Variants in PSME4 observed in about 807,000 individuals in gnomAD.
PSME4 encodes proteasome activator complex subunit 4.
Under a neutral mutation model 253.9 loss-of-function variants are expected in PSME4, and 89 were observed. That is an observed-to-expected ratio of 0.35 (90% CI 0.30 to 0.42). The LOEUF (loss-of-function observed/expected upper bound fraction) is 0.42, where lower values mean the gene tolerates loss of function less well. Among genes scored for constraint, PSME4 ranks in the 10% least tolerant of loss-of-function variants. The pLI, the probability that PSME4 is intolerant of heterozygous loss-of-function variation, is 1.00. For missense variants in PSME4, 2,014 were observed against 2,195.2 expected, an observed-to-expected ratio of 0.92 and a Z score of 1.65; for synonymous variants, 851 against 759.2, an observed-to-expected ratio of 1.12 and a Z score of -1.99.
chr2:53,896,982 TA>T, intron 31 of PSME4, 97 bp from the exon 32 acceptor site: 1 of 912,494 alleles, frequency 1.1e-6, no homozygotes, highest in Non-Finnish European at 1.8e-6. Flanking sequence ...TCTGTTTCTT[TA>T]AAAAAACACC....
intron 40 of PSME4, among the ~76,000 whole-genome samples, chr2:53,886,019 CAGAAT>C (rs1416822710): frequency 2.0e-5 from 3 of 152,132 alleles, no homozygotes; most frequent in Non-Finnish European, 4.4e-5. Flanking sequence ...AGACAACCCA[CAGAAT>C]AGGAGAAAAT....
chr2:53,959,280 G>A (rs1670374413), intron 1 of PSME4, among the ~76,000 whole-genome samples: 1 of 152,042 alleles, frequency 6.6e-6, no homozygotes, highest in South Asian at 2.1e-4. Flanking sequence ...CAGGAGAATC[G>A]CTGGAACCCA....
At position 53,888,762 on chromosome 2, in the gene PSME4, T is replaced by G. The variant is rs1196320580; in HGVS notation, c.4347A>C (p.Glu1449Asp). 6.2e-7 allele frequency: 1 copy of G among 1,613,258 alleles called. No homozygotes were observed. Among genetic ancestry groups the G allele is most frequent in the Non-Finnish European group, 8.5e-7 (1 of 1,179,342 alleles). Reference protein sequence around the residue: ...KLHWLFELLLESPLSGEGGSF... With the variant: ...KLHWLFELLLDSPLSGEGGSF... ...ATCCTCCTTCACCACTCAATGGTGA[T>G]TCCAACAGCAGTTCAAAAAGCCAGT... The change falls in exon 38 of 47, where the codon GAA becomes GAC. Residue 1449 changes from glutamate (E) to aspartate (D), a missense_variant. Physicochemically the swap from Glu to Asp is conservative, Grantham distance 45. Around this residue, in one of 4 missense-constraint regions of PSME4, gnomAD observed 403 missense variants for 556.1 expected, o/e 0.72. Coordinates refer to ENST00000404125, the MANE Select transcript of PSME4 (RefSeq NM_014614.3).
intron 29 of PSME4, 77 bp downstream of exon 29, chr2:53,899,804 C>G (rs956274947): frequency 1.3e-6 from 2 of 1,511,264 alleles, no homozygotes; most frequent in Non-Finnish European, 1.8e-6. Context: ...GGCAACAGAG[C>G]AAGACTCTGT....
chr2:53,922,426 G>A (rs909739819), intron 17 of PSME4, 91 bp downstream of exon 17: 40 of 1,362,332 alleles, frequency 2.9e-5, no homozygotes, highest in Non-Finnish European at 4.0e-5. Flanking sequence ...CTTTTCATAT[G>A]TTTTAAAGTC....
chr2:53,964,425 C>CT (rs34991936), intron 1 of PSME4, among the ~76,000 whole-genome samples: 1 of 151,922 alleles, frequency 6.6e-6, no homozygotes, highest in Non-Finnish European at 1.5e-5. Context: ...AAATCAGTTC[C>CT]TTTTTTTTCC....
At chr2:53,947,811 T>A (rs988096195) in intron 3 of PSME4, among the ~76,000 whole-genome samples, 1 of 151,540 alleles carries the variant, frequency 6.6e-6, no homozygotes, top group Non-Finnish European at 1.5e-5. Context: ...AGGTCAGGAG[T>A]TCGAGACCAG....
At chr2:53,934,816 G>T in intron 7 of PSME4, 89 bp from the exon 8 acceptor site, 1 of 988,462 alleles carries the variant, frequency 1.0e-6, no homozygotes. Flanking sequence ...TGTTACTGAA[G>T]ATATTTTCAT....
intron 2 of PSME4, 38 bp downstream of exon 2, chr2:53,949,105 A>C (rs766232191): frequency 6.5e-7 from 1 of 1,528,766 alleles, no homozygotes; most frequent in South Asian, 1.3e-5. Flanking sequence ...CTGAAGAAAC[A>C]AACAAACCTT....
At chr2:53,896,938 T>C (rs1680165769) in intron 31 of PSME4, 53 bp from the exon 32 acceptor site, 1 of 1,315,450 alleles carries the variant, frequency 7.6e-7, no homozygotes. Context: ...ATCACTTAAC[T>C]GGTTGTCTGC....
At chr2:53,935,103 C>G (rs1351220487) in intron 7 of PSME4, among the ~76,000 whole-genome samples, 5 of 152,170 alleles carry the variant, frequency 3.3e-5, no homozygotes, top group African/African-American at 1.2e-4. Flanking sequence ...AGCTCCTATT[C>G]CATGTCAAGC....
At chr2:53,954,733 T>A (rs1353796270) in intron 1 of PSME4, among the ~76,000 whole-genome samples, 4 of 151,594 alleles carry the variant, frequency 2.6e-5, no homozygotes. Flanking sequence ...CCCAGCTACT[T>A]GGGAGGCTGA....
chr2:53,904,007 AG>A lies in PSME4; in HGVS notation c.3075+17del. On this transcript the variant is annotated intron_variant, in intron 27 of 46. Transcript: ENST00000404125. The stretch of plus-strand genomic sequence containing the variant: ...TGTTTGAAAATGTTTACAGTAAAAT[AG>A]GAAAAAAACCCTATACCTTGAATTG... 1 of 1,580,522 alleles carries A rather than the reference AG, an allele frequency of 6.3e-7. No homozygotes were observed. The highest frequency in any genetic ancestry group is 1.7e-4 in the Middle Eastern group (1 of 5,902).
chr2:53,899,774 T>C, intron 29 of PSME4, 107 bp downstream of exon 29: 1 of 1,333,782 alleles, frequency 7.5e-7, no homozygotes, highest in Non-Finnish European at 1.0e-6. Context: ...GCCATGATCG[T>C]CTCACTGTAC....
intron 1 of PSME4, among the ~76,000 whole-genome samples, chr2:53,967,503 G>A (rs556092810): frequency 1.3e-5 from 2 of 151,706 alleles, no homozygotes; most frequent in Admixed American, 6.6e-5. Flanking sequence ...TTAGCCAGGC[G>A]TGGCAGCGCA....
At chr2:53,947,460 C>T (rs1458331076) in intron 3 of PSME4, among the ~76,000 whole-genome samples, 1 of 152,044 alleles carries the variant, frequency 6.6e-6, no homozygotes, top group Admixed American at 6.6e-5. Flanking sequence ...AATCCCAGCA[C>T]TTTGGGAGGC....
rs370388352 is a variant in PSME4, at chr2:53,925,935, C to T, written c.1658+24G>A. The T allele has an allele frequency of 1.1e-5, 18 of 1,592,688 alleles. No individual in the cohort carries two copies. In the Admixed American group the frequency reaches 1.3e-4, roughly 12 times the overall value. On this transcript the variant is annotated intron_variant, in intron 13 of 46. Coordinates refer to ENST00000404125, the MANE Select transcript of PSME4 (RefSeq NM_014614.3). ...GTCATTTTCTAGAATTTCAGCTAAA[C>T]GTTGGTGTGGGTTACAAGCTCACCT...
chr2:53,884,739 A>G (rs1314671108), intron 41 of PSME4, among the ~76,000 whole-genome samples: 1 of 152,218 alleles, frequency 6.6e-6, no homozygotes, highest in East Asian at 1.9e-4. Context: ...GACAAAGCCT[A>G]CATACACCAA....
intron 3 of PSME4, among the ~76,000 whole-genome samples, chr2:53,944,324 A>G (rs1452323851): frequency 1.3e-5 from 2 of 151,888 alleles, no homozygotes; most frequent in Non-Finnish European, 2.9e-5. Flanking sequence ...ACACCAGGCT[A>G]ATTTTTGTGT....
Sources: allele counts gnomAD v4.1 joint callset (sites outside exome capture counted in the v4.1 genomes callset), GRCh38; gene constraint gnomAD v4.1.1; regional missense constraint gnomAD v4.1.1; transcripts MANE v1.5; gene names NCBI Gene and HGNC (gene_info 2026-07-23, HGNC 2026-07-21).